Variants in DEPTOR observed in about 807,000 individuals in gnomAD.
DEPTOR encodes the protein DEP domain-containing mTOR-interacting protein.
Under a neutral mutation model 41.6 loss-of-function variants are expected in DEPTOR, and 41 were observed. The observed-to-expected ratio is 0.98, with a 90% CI of 0.77 to 1.28. The LOEUF is 1.28. DEPTOR is among the 50% of genes most tolerant of loss of function. The pLI is 0.00. For synonymous variants in DEPTOR, 195 were observed against 192.3 expected (o/e 1.01, Z -0.12); for missense variants, 514 against 527.9 (o/e 0.97, Z 0.26).
chr8:119,879,234 C>T (rs1827267211), intron 1 of DEPTOR, among the ~76,000 whole-genome samples: 1 of 152,168 alleles, frequency 6.6e-6, no homozygotes, highest in African/African-American at 2.4e-5. Flanking sequence ...CTACACACTA[C>T]TTGGTGGGAA....
chr8:119,968,620 C>G (rs1828594333), intron 4 of DEPTOR, among the ~76,000 whole-genome samples: 1 of 152,140 alleles, frequency 6.6e-6, no homozygotes, highest in Non-Finnish European at 1.5e-5. Context: ...CCCTTCTTAA[C>G]AAATGTTTAG....
intron 8 of DEPTOR, among the ~76,000 whole-genome samples, chr8:120,028,888 C>G (rs958048887): frequency 5.9e-5 from 9 of 151,708 alleles, no homozygotes; most frequent in Non-Finnish European, 1.2e-4. Flanking sequence ...AGTTCGAGAC[C>G]AGCCTGACCA....
chr8:120,041,661 G>A (rs1813073304), intron 8 of DEPTOR, among the ~76,000 whole-genome samples: 1 of 152,046 alleles, frequency 6.6e-6, no homozygotes, highest in African/African-American at 2.4e-5. Context: ...CCTCAGCCTC[G>A]AGAGTAGCTG....
chr8:119,974,989 G>C (rs75334524), intron 4 of DEPTOR, among the ~76,000 whole-genome samples: 13 of 152,062 alleles, frequency 8.5e-5, no homozygotes, highest in Admixed American at 3.9e-4. Context: ...GGTGCAGAGA[G>C]GGAGAGACCT....
intron 5 of DEPTOR, among the ~76,000 whole-genome samples, chr8:120,002,546 C>T (rs1812364813): frequency 6.6e-6 from 1 of 151,708 alleles, no homozygotes; most frequent in African/African-American, 2.4e-5. Flanking sequence ...TGGGCATTTA[C>T]ACCAGTAACC....
intron 1 of DEPTOR, among the ~76,000 whole-genome samples, chr8:119,877,282 C>A (rs1420948008): frequency 2.6e-5 from 4 of 152,192 alleles, no homozygotes; most frequent in Non-Finnish European, 5.9e-5. Context: ...CTGTAACTAG[C>A]ACATAGTAAC....
chr8:119,951,889 G>A (rs529845759), intron 3 of DEPTOR, among the ~76,000 whole-genome samples: 3 of 152,294 alleles, frequency 2.0e-5, no homozygotes, highest in African/African-American at 7.2e-5. Flanking sequence ...TGTAATTCCA[G>A]CACTTTGAGA....
chr8:119,922,438 A>C (rs1198105346), intron 1 of DEPTOR, among the ~76,000 whole-genome samples: 1 of 152,152 alleles, frequency 6.6e-6, no homozygotes, highest in African/African-American at 2.4e-5. Flanking sequence ...ATCACATCTA[A>C]GAATTAATAT....
chr8:119,875,555 G>C (rs73703115), intron 1 of DEPTOR, among the ~76,000 whole-genome samples: 43,746 of 152,070 alleles, frequency 0.29, 6,700 homozygotes, highest in African/African-American at 0.35. Flanking sequence ...GGGGTAGAAA[G>C]AAAGTAAATC....
At chr8:119,902,922 G>T (rs28701610) in intron 1 of DEPTOR, among the ~76,000 whole-genome samples, 10,509 of 142,828 alleles carry the variant, frequency 0.074, 640 homozygotes, top group South Asian at 0.19. Flanking sequence ...CAAATTTCAG[G>T]GTTTTTAGAC....
chr8:119,998,190 G>A (rs939024949), intron 4 of DEPTOR, among the ~76,000 whole-genome samples: 4 of 152,184 alleles, frequency 2.6e-5, no homozygotes, highest in East Asian at 3.8e-4. Context: ...CCAGGCTCAA[G>A]CGATCCTCCC....
Position 120,033,674 on chromosome 8 carries a change from TTC to T in DEPTOR, c.1102-15898_1102-15897del, listed in dbSNP as rs550778138. ...GATCTCAATCTCCAAATCCATAGATTTCTCTGACTGGTGTGCTAGGCTCCTAA... is the reference window on the plus strand; with the variant it reads ...GATCTCAATCTCCAAATCCATAGATTTCTGACTGGTGTGCTAGGCTCCTAA... On this transcript the variant is annotated intron_variant, in intron 8 of 8. Transcript: ENST00000286234. 2.0e-5 allele frequency among the ~76,000 whole-genome samples: 3 copies of T among 152,292 alleles called. No homozygotes were observed. The South Asian group carries it at 6.2e-4, about 32-fold the overall frequency.
intron 8 of DEPTOR, among the ~76,000 whole-genome samples, chr8:120,029,849 A>G (rs1005396913): frequency 2.6e-5 from 4 of 151,958 alleles, no homozygotes; most frequent in African/African-American, 9.7e-5. Flanking sequence ...AATGGGCCTT[A>G]CTCTTGGGAT....
chr8:120,045,402 A>G (rs999364836), intron 8 of DEPTOR, among the ~76,000 whole-genome samples: 4 of 152,068 alleles, frequency 2.6e-5, no homozygotes. Context: ...GCAGGATCTC[A>G]CTTTGTCACT....
intron 1 of DEPTOR, among the ~76,000 whole-genome samples, chr8:119,905,518 A>G (rs567819047): frequency 6.6e-6 from 1 of 152,282 alleles, no homozygotes; most frequent in Non-Finnish European, 1.5e-5. Flanking sequence ...AGGAAAGTTG[A>G]AATAGTCCTG....
chr8:119,997,475 A>G (rs1309628369), intron 4 of DEPTOR, among the ~76,000 whole-genome samples: 1 of 152,270 alleles, frequency 6.6e-6, no homozygotes, highest in East Asian at 1.9e-4. Flanking sequence ...GCCTCATGCT[A>G]TCCTCCCACC....
At chr8:119,959,456 CG>C (rs1828461620) in intron 3 of DEPTOR, among the ~76,000 whole-genome samples, 1 of 151,982 alleles carries the variant, frequency 6.6e-6, no homozygotes, top group African/African-American at 2.4e-5. Context: ...CCACTGCGCC[CG>C]GCCACCTGTT....
chr8:119,910,394 A>G (rs946969882), intron 1 of DEPTOR, among the ~76,000 whole-genome samples: 8 of 152,102 alleles, frequency 5.3e-5, no homozygotes, highest in African/African-American at 1.7e-4. Flanking sequence ...TGTTTTCTAC[A>G]TTGTCAGTAG....
At chr8:119,932,603 A>C (rs142052503) in intron 3 of DEPTOR, among the ~76,000 whole-genome samples, 7 of 152,172 alleles carry the variant, frequency 4.6e-5, no homozygotes, top group Non-Finnish European at 4.4e-5. Context: ...CCCTTTCCAC[A>C]TGCTAGGCAC....
Sources: allele counts gnomAD v4.1 joint callset (sites outside exome capture counted in the v4.1 genomes callset), GRCh38; gene constraint gnomAD v4.1.1; transcripts MANE v1.5; gene names NCBI Gene and HGNC (gene_info 2026-07-23, HGNC 2026-07-21).